The following PLEKHM3 variants were observed in gnomAD, a reference collection of about 807,000 sequenced individuals.
PLEKHM3 encodes the protein pleckstrin homology domain containing M3.
A neutral mutation model predicts 81.8 loss-of-function variants in PLEKHM3; 45 were observed. The observed-to-expected ratio is 0.55, with a 90% CI of 0.43 to 0.71. The LOEUF (loss-of-function observed/expected upper bound fraction) is 0.71, where lower values mean the gene tolerates loss of function less well. Among genes scored for constraint, PLEKHM3 ranks in the 30% least tolerant of loss-of-function variants. The pLI is 0.00. For missense variants in PLEKHM3, 788 were observed against 924.3 expected, an observed-to-expected ratio of 0.85 and a Z score of 1.91; for synonymous variants, 352 against 356.4, an observed-to-expected ratio of 0.99 and a Z score of 0.14.
At chr2:207,953,338 G>A (rs1210257132) in intron 3 of PLEKHM3, among the ~76,000 whole-genome samples, 1 of 152,148 alleles carries the variant, frequency 6.6e-6, no homozygotes, top group Admixed American at 6.5e-5. Flanking sequence ...ATCCTGAAAT[G>A]TACTGATGGT....
intron 3 of PLEKHM3, among the ~76,000 whole-genome samples, chr2:207,947,596 C>G (rs770174319): frequency 2.0e-5 from 3 of 152,210 alleles, no homozygotes; most frequent in Non-Finnish European, 2.9e-5. Context: ...TTTTAGAAAT[C>G]CTTCCATGTG....
chr2:207,967,814 T>C (rs893277441), intron 3 of PLEKHM3, among the ~76,000 whole-genome samples: 3 of 152,150 alleles, frequency 2.0e-5, no homozygotes, highest in Admixed American at 1.3e-4. Context: ...ATTATTTTCT[T>C]ACATCTGATC....
intron 6 of PLEKHM3, among the ~76,000 whole-genome samples, chr2:207,866,363 G>C (rs552296103): frequency 6.6e-4 from 100 of 152,216 alleles, no homozygotes; most frequent in Middle Eastern, 6.8e-3. Flanking sequence ...CACCATGTTG[G>C]CCAGGCTGGT....
At chr2:208,019,054 C>A (rs1453869401) in intron 1 of PLEKHM3, among the ~76,000 whole-genome samples, 1 of 151,810 alleles carries the variant, frequency 6.6e-6, no homozygotes, top group Non-Finnish European at 1.5e-5. Context: ...AATCCCAGCA[C>A]TTTGGGAGGT....
chr2:207,831,521 T>C (rs2092287923), intron 7 of PLEKHM3, among the ~76,000 whole-genome samples: 1 of 152,230 alleles, frequency 6.6e-6, no homozygotes, highest in Non-Finnish European at 1.5e-5. Context: ...TCTTGGTGCT[T>C]TGGTTTTCTC....
chr2:207,883,609 T>C (rs1172178536), intron 6 of PLEKHM3, among the ~76,000 whole-genome samples: 1 of 152,178 alleles, frequency 6.6e-6, no homozygotes, highest in Non-Finnish European at 1.5e-5. Context: ...AGCGTGCAAG[T>C]ATAAGCCAGA....
chr2:207,877,058 T>C (rs1036386443), intron 6 of PLEKHM3, among the ~76,000 whole-genome samples: 1 of 152,188 alleles, frequency 6.6e-6, no homozygotes, highest in East Asian at 1.9e-4. Flanking sequence ...GAAAAGTCAA[T>C]GTACTGACCG....
Position 207,865,801 on chromosome 2 carries a change from AAG to A in PLEKHM3, c.1951-4541_1951-4540del, listed in dbSNP as rs1553545965. Among the ~76,000 whole-genome samples the A allele has an allele frequency of 8.3e-4, 21 of 25,290 alleles. 2 individuals carry two copies. Among genetic ancestry groups the A allele is most frequent in the African/African-American group, 4.4e-3 (21 of 4,794 alleles). 16.6% of individuals were successfully genotyped at this position (25,290 alleles called of 152,430 possible). A position where few individuals can be genotyped will look rare whatever the true frequency, so the allele number is the denominator to read the frequency against. ...CGACTCAAAAAAAAAAAAAAAAAAA[AAG>A]ATATATATATATATATATATATATA... On this transcript the variant is annotated intron_variant, in intron 6 of 7. Coordinates refer to ENST00000427836, the MANE Select transcript of PLEKHM3 (RefSeq NM_001080475.3).
chr2:207,863,098 C>T (rs1347641725), intron 6 of PLEKHM3, among the ~76,000 whole-genome samples: 3 of 152,216 alleles, frequency 2.0e-5, no homozygotes, highest in Admixed American at 2.0e-4. Context: ...TTGAAAGTCC[C>T]TCCCCTTCAA....
At chr2:207,889,760 C>T (rs1014504922) in intron 6 of PLEKHM3, among the ~76,000 whole-genome samples, 2 of 152,062 alleles carry the variant, frequency 1.3e-5, no homozygotes. Flanking sequence ...AGTTGCCTTC[C>T]TCCCTTCCTC....
At chr2:207,972,691 T>A (rs1177103603) in intron 3 of PLEKHM3, among the ~76,000 whole-genome samples, 1 of 151,740 alleles carries the variant, frequency 6.6e-6, no homozygotes, top group Non-Finnish European at 1.5e-5. Flanking sequence ...CATAATCAGA[T>A]ACAACTATCA....
chr2:207,863,066 C>T (rs915418623), intron 6 of PLEKHM3, among the ~76,000 whole-genome samples: 10 of 152,156 alleles, frequency 6.6e-5, no homozygotes, highest in Non-Finnish European at 1.0e-4. Context: ...GCTGGAGGTA[C>T]GGGGAGAAAG....
intron 6 of PLEKHM3, among the ~76,000 whole-genome samples, chr2:207,903,451 T>C (rs1193504145): frequency 6.6e-6 from 1 of 152,150 alleles, no homozygotes; most frequent in Non-Finnish European, 1.5e-5. Context: ...TCGCCACAAA[T>C]AGAATCATTC....
At chr2:207,919,393 G>A (rs527309302) in intron 5 of PLEKHM3, among the ~76,000 whole-genome samples, 2 of 152,218 alleles carry the variant, frequency 1.3e-5, no homozygotes, top group East Asian at 3.9e-4. Context: ...TTTGGGCCAG[G>A]AGTGACATCA....
chr2:207,991,034 A>G lies in PLEKHM3; in HGVS notation c.610+9996T>C, dbSNP rs569762381. 5.3e-5 allele frequency among the ~76,000 whole-genome samples: 8 copies of G among 152,236 alleles called. No homozygotes were observed. In the East Asian group the frequency reaches 1.5e-3, roughly 29 times the overall value. The stretch of plus-strand genomic sequence containing the variant: ...GCATAAGTCAATACATTCCTGGCCA[A>G]TTTTTCTCAAGTGTGAACCTGACTA... On this transcript the variant is annotated intron_variant, in intron 2 of 7. Transcript: ENST00000427836.
chr2:207,901,199 C>G, intron 6 of PLEKHM3: 1 of 699,540 alleles, frequency 1.4e-6, no homozygotes, highest in Non-Finnish European at 2.6e-6. Flanking sequence ...CCACAAAAGG[C>G]AGTGACTTTG....
At chr2:207,926,337 T>A (rs1689393283) in intron 5 of PLEKHM3, among the ~76,000 whole-genome samples, 1 of 152,220 alleles carries the variant, frequency 6.6e-6, no homozygotes, top group African/African-American at 2.4e-5. Flanking sequence ...TGTGGGGCCA[T>A]CCCTGTGAGG....
At chr2:207,833,111 CA>C (rs71036960) in intron 7 of PLEKHM3, among the ~76,000 whole-genome samples, 29,705 of 76,920 alleles carry the variant, frequency 0.39, 2,466 homozygotes, top group East Asian at 0.51. Context: ...GACACCATCT[CA>C]AAAAAAAAAA....
intron 3 of PLEKHM3, among the ~76,000 whole-genome samples, chr2:207,963,788 G>A (rs547489116): frequency 1.3e-5 from 2 of 152,274 alleles, no homozygotes; most frequent in African/African-American, 4.8e-5. Flanking sequence ...AAGAAAACAT[G>A]GAAACCTGGA....
Sources: gnomAD v4.1 joint callset for allele counts (sites outside exome capture counted in the v4.1 genomes callset) on GRCh38, gnomAD v4.1.1 for gene constraint, MANE v1.5 for transcripts, NCBI Gene and HGNC (gene_info 2026-07-23, HGNC 2026-07-21) for gene names.